The following ZNF782 variants were observed in gnomAD, a reference collection of about 807,000 sequenced individuals.
The protein encoded by ZNF782 is zinc finger protein 782.
ZNF782 carries 12 observed loss-of-function variants against 13.0 expected under a neutral mutation model. That is an observed-to-expected ratio of 0.92 (90% CI 0.59 to 1.50). The LOEUF is 1.50. Ranked by LOEUF, ZNF782 falls within the 40% of genes most tolerant of loss-of-function variation. The pLI is 0.00. For synonymous variants in ZNF782, 284 were observed against 283.0 expected (o/e 1.00, Z -0.04); for missense variants, 770 against 822.9 (o/e 0.94, Z 0.79).
At chr9:96,917,720 G>A in the ZNF782 span, among the ~76,000 whole-genome samples, 1 of 151,432 alleles carries the variant, frequency 6.6e-6, no homozygotes, top group Non-Finnish European at 1.5e-5. Context: ...ATGAGCCACC[G>A]TGCCCGACCA....
rs1464850438 is a variant in ZNF782 at position 96,818,689 on chromosome 9, G to T, written c.1334C>A (p.Thr445Lys). 3.7e-6 allele frequency: 6 copies of T among 1,614,070 alleles called. No homozygotes were observed. Among genetic ancestry groups the T allele is most frequent in the Non-Finnish European group, 5.1e-6 (6 of 1,180,026 alleles). The change falls in exon 6 of 6, where the codon ACA becomes AAA. Residue 445 changes from threonine (T) to lysine (K), a missense_variant. Thr to Lys is a moderately conservative substitution (Grantham distance 78). Transcript: ENST00000481138. The part of the protein sequence containing the change: ...SGLRIHQRTH[T>K]GEKPFECHEC... ...ATGACATTCGAATGGTTTCTCCCCTGTGTGGGTTCTCTGGTGTATTCTTAG... is the reference window on the plus strand; with the variant it reads ...ATGACATTCGAATGGTTTCTCCCCTTTGTGGGTTCTCTGGTGTATTCTTAG...
intron 4 of ZNF782, among the ~76,000 whole-genome samples, chr9:96,836,252 G>A (rs1285712595): frequency 7.4e-6 from 1 of 135,972 alleles, no homozygotes; most frequent in Non-Finnish European, 1.6e-5. Context: ...TTGCTCTGTT[G>A]CCCAGGCTGG....
At chr9:96,871,060 A>C (rs1851819857) in intron 1 of ZNF782, among the ~76,000 whole-genome samples, 1 of 152,080 alleles carries the variant, frequency 6.6e-6, no homozygotes, top group Non-Finnish European at 1.5e-5. Flanking sequence ...TTTGCTGATA[A>C]ATTTTCTTAT....
chr9:96,902,206 G>C, the ZNF782 span, among the ~76,000 whole-genome samples: 1 of 151,834 alleles, frequency 6.6e-6, no homozygotes, highest in Non-Finnish European at 1.5e-5. Context: ...GGCCGAGGCA[G>C]GCGGATCACT....
At chr9:96,875,714 C>T, upstream of ZNF782, 1 of 405,592 alleles carries the variant, frequency 2.5e-6, no homozygotes. Flanking sequence ...CCCGGGCTTC[C>T]CGTTCTCACC....
In ZNF782 at chr9:96,863,243, T is replaced by A. The variant is rs10979353; in HGVS notation, c.-456-1640A>T. On this transcript the variant is annotated intron_variant, in intron 1 of 5. Coordinates refer to the ZNF782 transcript ENST00000498811. Reference sequence around the variant, plus strand: ...AACTTTTTGACATCTATTTGTCTTTTTAGAATATATTTTCTTTCAGGAACA... The same window carrying A: ...AACTTTTTGACATCTATTTGTCTTTATAGAATATATTTTCTTTCAGGAACA... Among the ~76,000 whole-genome samples the A allele has an allele frequency of 0.02, 3,115 of 152,272 alleles. 178 individuals carry two copies. In the East Asian group the frequency reaches 0.24, roughly 12 times the overall value.
At chr9:96,828,202 C>T (rs966414662) in intron 4 of ZNF782, among the ~76,000 whole-genome samples, 3 of 152,118 alleles carry the variant, frequency 2.0e-5, no homozygotes, top group African/African-American at 7.2e-5. Context: ...ATATCATCAC[C>T]AACCAGGGTA....
chr9:96,848,205 A>G (rs1205742599), intron 3 of ZNF782, among the ~76,000 whole-genome samples: 1 of 152,196 alleles, frequency 6.6e-6, no homozygotes, highest in Admixed American at 6.5e-5. Flanking sequence ...CACAGCCAAC[A>G]CCATATTGAA....
In ZNF782 at chr9:96,831,237, G is replaced by A. The variant is rs141436838; in HGVS notation, c.143-4056C>T. 2.3e-3 allele frequency among the ~76,000 whole-genome samples: 356 copies of A among 152,328 alleles called. 3 individuals carry two copies. Among genetic ancestry groups the A allele is most frequent in the African/African-American group, 8.1e-3 (336 of 41,586 alleles). On this transcript the variant is annotated intron_variant, in intron 4 of 5. Transcript: ENST00000481138. ...ATAAAGGGGTAGGACAAAGCTCTTT[G>A]TGGTGACTGAATAGTTCTGTTGACT...
Position 96,816,751 on chromosome 9 carries a change from C to CTG in ZNF782, c.*1170_*1171dup, listed in dbSNP as rs1032894711. Reference sequence around the variant, plus strand: ...TGGGTGTGTATGTGTGAGTGTGTGTCTGTGTGTGTGAAGAATTTCCTATAT... The same window carrying CTG: ...TGGGTGTGTATGTGTGAGTGTGTGTCTGTGTGTGTGTGAAGAATTTCCTATAT... On this transcript the variant is annotated 3_prime_UTR_variant, in exon 6 of 6. Transcript: ENST00000481138. The CTG allele has an allele frequency of 1.3e-5, 2 of 151,828 alleles. No homozygotes were observed. The highest frequency in any genetic ancestry group is 2.9e-5 in the Non-Finnish European group (2 of 67,948). 9.4% of individuals were successfully genotyped at this position (151,828 alleles called of 1,614,324 possible).
chr9:96,885,346 C>T, the ZNF782 span, among the ~76,000 whole-genome samples: 1 of 151,916 alleles, frequency 6.6e-6, no homozygotes, highest in Non-Finnish European at 1.5e-5. Flanking sequence ...ATGATAACCA[C>T]AATAAAAAGC....
the ZNF782 span, chr9:96,931,591 C>T: frequency 7.7e-6 from 6 of 777,548 alleles, no homozygotes; most frequent in Non-Finnish European, 1.1e-5. Context: ...CTGATGCACA[C>T]TCAGGGACAC....
chr9:96,883,293 G>A, the ZNF782 span, among the ~76,000 whole-genome samples: 345 of 152,266 alleles, frequency 2.3e-3, 3 homozygotes, highest in African/African-American at 7.8e-3. Flanking sequence ...TTGGTGGGAT[G>A]ATTCCAGAAC....
chr9:96,895,505 T>C, the ZNF782 span: 60 of 152,286 alleles, frequency 3.9e-4, no homozygotes, highest in African/African-American at 1.3e-3. Context: ...GGAGGCTGTG[T>C]CCCCACTGCA....
At chr9:96,860,173 A>G (rs1021346216) in intron 3 of ZNF782, 5 of 152,122 alleles carry the variant, frequency 3.3e-5, no homozygotes, top group African/African-American at 9.7e-5. Flanking sequence ...GCACCTTTGA[A>G]TGCATCTAGG....
At chr9:96,908,274 A>G in the ZNF782 span, among the ~76,000 whole-genome samples, 1 of 151,584 alleles carries the variant, frequency 6.6e-6, no homozygotes, top group Non-Finnish European at 1.5e-5. Flanking sequence ...GGCTCAAGTG[A>G]TCCTCCTGTC....
At chr9:96,873,951 C>G (rs1012003536) in intron 1 of ZNF782, among the ~76,000 whole-genome samples, 4 of 152,186 alleles carry the variant, frequency 2.6e-5, no homozygotes, top group Non-Finnish European at 5.9e-5. Flanking sequence ...GATTTGTTGT[C>G]TAACACAAGA....
upstream of ZNF782, among the ~76,000 whole-genome samples, chr9:96,879,868 A>AT (rs561959791): frequency 7.3e-4 from 110 of 151,502 alleles, no homozygotes; most frequent in East Asian, 2.1e-3. Context: ...TCGTTTTAGG[A>AT]TTTTTTTTTG....
chr9:96,860,104 A>T (rs1851686395), intron 3 of ZNF782: 1 of 152,262 alleles, frequency 6.6e-6, no homozygotes, highest in Non-Finnish European at 1.5e-5. Flanking sequence ...CAGCGATGGT[A>T]GAACAGAACA....
Sources: allele counts gnomAD v4.1 joint callset (sites outside exome capture counted in the v4.1 genomes callset), GRCh38; gene constraint gnomAD v4.1.1; transcripts MANE v1.5; gene names NCBI Gene and HGNC (gene_info 2026-07-23, HGNC 2026-07-21).